CSMD1: variants seen among roughly 807,000 people sequenced by gnomAD.
CSMD1 encodes CUB and sushi domain-containing protein 1.
In CSMD1, 213 loss-of-function variants were observed where a neutral mutation model predicts 417.5. The ratio of observed to expected loss-of-function variants is 0.51; its 90% CI spans 0.46 to 0.57. The LOEUF is 0.57. Among genes scored for constraint, CSMD1 ranks in the 20% least tolerant of loss-of-function variants. The pLI, the probability that CSMD1 is intolerant of heterozygous loss-of-function variation, is 0.00. For missense variants in CSMD1, 6,923 were observed against 4,529.7 expected, an observed-to-expected ratio of 1.53 and a Z score of -15.17; for synonymous variants, 2,862 against 1,736.8, an observed-to-expected ratio of 1.65 and a Z score of -16.11.
At chr8:3,813,968 T>C (rs1462849474) in intron 5 of CSMD1, among the ~76,000 whole-genome samples, 2 of 152,212 alleles carry the variant, frequency 1.3e-5, no homozygotes, top group African/African-American at 4.8e-5. Context: ...CCCTGAAATA[T>C]GTGATTCTTA....
chr8:4,951,444 G>T (rs375951760), intron 1 of CSMD1, among the ~76,000 whole-genome samples: 1 of 149,216 alleles, frequency 6.7e-6, no homozygotes, highest in African/African-American at 2.5e-5. Flanking sequence ...AAAGAAAGAG[G>T]GAAGGAAGGA....
In CSMD1 at chr8:3,498,920, T is replaced by A. The variant is rs552741568; in HGVS notation, c.1345-5194A>T. On this transcript the variant is annotated intron_variant, in intron 10 of 69. Coordinates refer to ENST00000635120, the MANE Select transcript of CSMD1 (RefSeq NM_033225.6). ...GTTTTCCTACTTTTTGAATTGTCTA[T>A]TTTTATTCTACTGATTCTCACGGCG... is the stretch of plus-strand genomic sequence containing the variant. Among the ~76,000 whole-genome samples, 11 of 149,922 alleles carry A rather than the reference T, an allele frequency of 7.3e-5. No individual in the cohort carries two copies. In the South Asian group the frequency reaches 1.7e-3, roughly 23 times the overall value.
chr8:4,357,285 C>G (rs144488267), intron 3 of CSMD1, among the ~76,000 whole-genome samples: 1 of 152,198 alleles, frequency 6.6e-6, no homozygotes, highest in African/African-American at 2.4e-5. Context: ...TAGATCTCAT[C>G]TGGCCATTGT....
intron 3 of CSMD1, among the ~76,000 whole-genome samples, chr8:4,313,075 G>C (rs1295708326): frequency 6.6e-6 from 1 of 152,126 alleles, no homozygotes; most frequent in Non-Finnish European, 1.5e-5. Context: ...TCCCATGATA[G>C]CCATAGAGCT....
chr8:4,728,752 G>C (rs1281996961), intron 1 of CSMD1, among the ~76,000 whole-genome samples: 1 of 151,646 alleles, frequency 6.6e-6, no homozygotes, highest in Non-Finnish European at 1.5e-5. Context: ...ATTTCTAAAT[G>C]TCTGCTGAAA....
intron 2 of CSMD1, among the ~76,000 whole-genome samples, chr8:4,592,286 A>C (rs2130735701): frequency 6.6e-6 from 1 of 151,758 alleles, no homozygotes; most frequent in Admixed American, 6.6e-5. Flanking sequence ...GAATAGTGAA[A>C]GTGGTATATT....
At chr8:4,288,890 C>G (rs1007040452) in intron 3 of CSMD1, among the ~76,000 whole-genome samples, 7 of 152,142 alleles carry the variant, frequency 4.6e-5, no homozygotes, top group African/African-American at 1.4e-4. Context: ...ATATTAGTTA[C>G]TTAACAACTA....
chr8:3,471,529 C>G (rs1817099910), intron 11 of CSMD1, among the ~76,000 whole-genome samples: 1 of 147,132 alleles, frequency 6.8e-6, no homozygotes, highest in Admixed American at 6.9e-5. Flanking sequence ...TCCTTCGTTC[C>G]TTCCTTCCTT....
At chr8:4,563,556 C>G (rs540402864) in intron 2 of CSMD1, among the ~76,000 whole-genome samples, 1 of 152,330 alleles carries the variant, frequency 6.6e-6, no homozygotes, top group East Asian at 1.9e-4. Context: ...ATCCTCACTC[C>G]AACTGTAGTG....
At chr8:3,774,462 T>C (rs143943995) in intron 5 of CSMD1, among the ~76,000 whole-genome samples, 1 of 152,292 alleles carries the variant, frequency 6.6e-6, no homozygotes, top group East Asian at 1.9e-4. Flanking sequence ...GTGTGCTTTG[T>C]TGCCTGGCTC....
At chr8:4,329,585 G>A (rs1440032269) in intron 3 of CSMD1, among the ~76,000 whole-genome samples, 4 of 152,020 alleles carry the variant, frequency 2.6e-5, no homozygotes, top group Admixed American at 2.6e-4. Context: ...ACCGCACGTT[G>A]CCAAAAAATA....
intron 8 of CSMD1, among the ~76,000 whole-genome samples, chr8:3,593,450 G>T (rs1447695657): frequency 2.0e-5 from 3 of 152,180 alleles, no homozygotes; most frequent in Non-Finnish European, 2.9e-5. Flanking sequence ...GTTATGACTG[G>T]GAGTGAGTGG....
intron 3 of CSMD1, among the ~76,000 whole-genome samples, chr8:4,347,157 G>C (rs537317815): frequency 6.6e-6 from 1 of 152,086 alleles, no homozygotes; most frequent in South Asian, 2.1e-4. Context: ...TGTGACAACT[G>C]GGATCGGTGT....
chr8:4,845,350 C>T (rs1165407454), intron 1 of CSMD1, among the ~76,000 whole-genome samples: 1 of 152,206 alleles, frequency 6.6e-6, no homozygotes, highest in Non-Finnish European at 1.5e-5. Flanking sequence ...CCAGGGGATA[C>T]ATATCCACAC....
chr8:4,663,696 G>A (rs1186179443), intron 1 of CSMD1, among the ~76,000 whole-genome samples: 1 of 152,174 alleles, frequency 6.6e-6, no homozygotes, highest in Non-Finnish European at 1.5e-5. Flanking sequence ...CCAGCCTACA[G>A]AACCGCAGGT....
At chr8:4,150,284 T>A (rs575069829) in intron 3 of CSMD1, among the ~76,000 whole-genome samples, 16 of 152,208 alleles carry the variant, frequency 1.1e-4, no homozygotes, top group East Asian at 5.8e-4. Context: ...GATGTAGAAG[T>A]CTCCAAGCTT....
chr8:3,056,535 T>G (rs1277146620), intron 49 of CSMD1, among the ~76,000 whole-genome samples: 1 of 151,984 alleles, frequency 6.6e-6, no homozygotes, highest in Non-Finnish European at 1.5e-5. Flanking sequence ...CGCCTGGCTA[T>G]TTTTTGTATT....
intron 6 of CSMD1, among the ~76,000 whole-genome samples, chr8:3,719,967 G>A (rs546306178): frequency 1.5e-4 from 23 of 152,292 alleles, no homozygotes; most frequent in South Asian, 4.1e-4. Flanking sequence ...ATCACCACCT[G>A]ACCCTCAGAG....
chr8:4,099,625 A>C (rs74808868), intron 3 of CSMD1, among the ~76,000 whole-genome samples: 2 of 151,854 alleles, frequency 1.3e-5, no homozygotes, highest in African/African-American at 2.4e-5. Context: ...AAAAAAAAAA[A>C]CCTCACTTTC....
Sources: gnomAD v4.1 joint callset for allele counts (sites outside exome capture counted in the v4.1 genomes callset) on GRCh38, gnomAD v4.1.1 for gene constraint, MANE v1.5 for transcripts, NCBI Gene and HGNC (gene_info 2026-07-23, HGNC 2026-07-21) for gene names.